The following C1QTNF7 variants were observed in gnomAD, a reference collection of about 807,000 sequenced individuals.
The protein encoded by C1QTNF7 is complement C1q tumor necrosis factor-related protein 7.
C1QTNF7 carries 15 observed loss-of-function variants against 19.6 expected under a neutral mutation model. That is an observed-to-expected ratio of 0.76 (90% CI 0.51 to 1.18). C1QTNF7 has a LOEUF of 1.18. C1QTNF7 is among the 50% of genes most tolerant of loss of function. The pLI is 0.00. For synonymous variants in C1QTNF7, 142 were observed against 137.5 expected, an observed-to-expected ratio of 1.03 and a Z score of -0.23; for missense variants, 324 against 359.7, an observed-to-expected ratio of 0.90 and a Z score of 0.80.
rs1712885654 is a variant in C1QTNF7 at position 15,443,819 on chromosome 4, G to T, written c.*1020G>T. On this transcript the variant is annotated 3_prime_UTR_variant, in exon 3 of 3. Transcript: ENST00000444304. ...CCTAATAGCTTTCTCATAAATATGG[G>T]CACCACTTTACATTGTGGTAAGACA... 1 of 152,152 alleles carries T rather than the reference G, an allele frequency of 6.6e-6. No individual in the cohort carries two copies. The highest frequency in any genetic ancestry group is 2.4e-5 in the African/African-American group (1 of 41,420). The allele number at this position is 152,152 out of a possible 1,614,324, so 9.4% of individuals were successfully genotyped here.
At chr4:15,371,044 C>T (rs529382696) in intron 1 of C1QTNF7, among the ~76,000 whole-genome samples, 184 of 152,318 alleles carry the variant, frequency 1.2e-3, no homozygotes, top group African/African-American at 4.2e-3. Context: ...CCTCCTAGTT[C>T]CTACACATCT....
intron 1 of C1QTNF7, among the ~76,000 whole-genome samples, chr4:15,404,268 A>G (rs755677184): frequency 5.9e-5 from 9 of 152,210 alleles, no homozygotes; most frequent in Non-Finnish European, 1.3e-4. Flanking sequence ...GCTTGCTAGA[A>G]GAGAGTTTCT....
At chr4:15,373,587 C>A (rs532704802) in intron 1 of C1QTNF7, among the ~76,000 whole-genome samples, 1 of 152,268 alleles carries the variant, frequency 6.6e-6, no homozygotes, top group East Asian at 1.9e-4. Flanking sequence ...TGTTTTGGAA[C>A]GTTTAAATGA....
chr4:15,409,735 C>T (rs1044483573), intron 1 of C1QTNF7, among the ~76,000 whole-genome samples: 1 of 152,076 alleles, frequency 6.6e-6, no homozygotes, highest in Non-Finnish European at 1.5e-5. Flanking sequence ...AATGAGACAC[C>T]CTGGGCTTGG....
At chr4:15,343,796 A>G (rs1716626866) in intron 1 of C1QTNF7, among the ~76,000 whole-genome samples, 2 of 152,240 alleles carry the variant, frequency 1.3e-5, no homozygotes, top group Admixed American at 1.3e-4. Context: ...GATACAAAGA[A>G]TTGTGCCGAC....
chr4:15,401,096 A>G (rs1210205015), intron 1 of C1QTNF7, among the ~76,000 whole-genome samples: 4 of 152,222 alleles, frequency 2.6e-5, no homozygotes, highest in Non-Finnish European at 4.4e-5. Flanking sequence ...CACACATAGA[A>G]GAAGTCAGAA....
chr4:15,442,945 G>A lies in C1QTNF7; in HGVS notation c.*146G>A. 1 of 813,102 alleles carries A rather than the reference G, an allele frequency of 1.2e-6. No individual in the cohort carries two copies. Among genetic ancestry groups the A allele is most frequent in the East Asian group, 2.8e-5 (1 of 35,252 alleles). 50.4% of individuals were successfully genotyped at this position (813,102 alleles called of 1,614,324 possible). On this transcript the variant is annotated 3_prime_UTR_variant, in exon 3 of 3. Coordinates refer to ENST00000444304, the MANE Select transcript of C1QTNF7 (RefSeq NM_031911.5). ...CTAGCAGAATTTATCAAAACAAGAT[G>A]AAACACAGAAAAGTTGAAACCACAA... is the stretch of plus-strand genomic sequence containing the variant.
chr4:15,424,696 C>A (rs1711956967), upstream of C1QTNF7, among the ~76,000 whole-genome samples: 1 of 152,212 alleles, frequency 6.6e-6, no homozygotes, highest in South Asian at 2.1e-4. Flanking sequence ...TTCTCCACAA[C>A]TCTACCTTGA....
intron 1 of C1QTNF7, among the ~76,000 whole-genome samples, chr4:15,433,744 C>T (rs970219931): frequency 2.6e-5 from 4 of 152,174 alleles, no homozygotes; most frequent in East Asian, 1.9e-4. Context: ...GGTAGCCCAT[C>T]GTGATTCCAG....
intron 1 of C1QTNF7, among the ~76,000 whole-genome samples, chr4:15,390,477 G>C (rs1161712859): frequency 1.3e-5 from 2 of 152,158 alleles, no homozygotes; most frequent in Non-Finnish European, 2.9e-5. Flanking sequence ...AAAACCTACA[G>C]ATCTATGGCT....
At chr4:15,340,308 A>G (rs1007935348) in intron 1 of C1QTNF7, 1 of 1,370,470 alleles carries the variant, frequency 7.3e-7, no homozygotes, top group African/African-American at 1.5e-5. Flanking sequence ...TTGTAAAGAA[A>G]TGGGGGAACT....
intron 1 of C1QTNF7, among the ~76,000 whole-genome samples, chr4:15,362,027 G>A (rs1302123915): frequency 2.0e-5 from 3 of 152,166 alleles, no homozygotes; most frequent in Admixed American, 6.5e-5. Flanking sequence ...AAGCCAGGCC[G>A]ACTGGGTTCC....
At chr4:15,437,877 T>C (rs1712597330) in intron 2 of C1QTNF7, among the ~76,000 whole-genome samples, 2 of 152,162 alleles carry the variant, frequency 1.3e-5, no homozygotes, top group Non-Finnish European at 2.9e-5. Flanking sequence ...AATTTTTCTA[T>C]ACGTAGCCAG....
At chr4:15,442,128 T>C in intron 2 of C1QTNF7, 40 bp from the exon 3 acceptor site, 1 of 1,543,802 alleles carries the variant, frequency 6.5e-7, no homozygotes, top group Non-Finnish European at 8.7e-7. Context: ...GATTATATCT[T>C]TTGAGGAACT....
chr4:15,340,920 T>C (rs1004105631), intron 1 of C1QTNF7, among the ~76,000 whole-genome samples: 1 of 152,234 alleles, frequency 6.6e-6, no homozygotes, highest in African/African-American at 2.4e-5. Flanking sequence ...AGATATTTTC[T>C]TGTTTTTCTG....
chr4:15,399,718 ATATAAC>A (rs532073097), intron 1 of C1QTNF7, among the ~76,000 whole-genome samples: 143 of 152,320 alleles, frequency 9.4e-4, no homozygotes, highest in African/African-American at 2.9e-3. Flanking sequence ...CCTATGTCTT[ATATAAC>A]TATAAGTCCA....
intron 1 of C1QTNF7, among the ~76,000 whole-genome samples, chr4:15,346,885 C>A (rs186264557): frequency 2.9e-4 from 44 of 152,326 alleles, no homozygotes; most frequent in Admixed American, 6.5e-4. Context: ...ATTCCCAATA[C>A]CAACACGCAG....
intron 1 of C1QTNF7, among the ~76,000 whole-genome samples, chr4:15,389,783 G>A (rs974314610): frequency 3.9e-5 from 6 of 152,136 alleles, no homozygotes; most frequent in African/African-American, 1.4e-4. Context: ...ATCCCCTAGA[G>A]ATTTTCATAA....
At position 15,435,971 on chromosome 4, in the gene C1QTNF7, G is replaced by A; in HGVS notation, c.228G>A (p.Lys76=). Residue 76 remains lysine (K), a synonymous_variant, in exon 2 of 3, where the codon AAG becomes AAA. Transcript: ENST00000444304. ...GCAGGAAAGGAGAGAAAGGTGAAAA[G>A]GGAACTGCAGGTAATGAATGAGAAG... The part of the protein sequence containing the change: ...RDGRKGEKGE[K]GTAGLRGKTG... 6.2e-7 allele frequency: 1 copy of A among 1,613,028 alleles called. No individual in the cohort carries two copies. The highest frequency in any genetic ancestry group is 2.2e-5 in the East Asian group (1 of 44,860).
Sources: allele counts gnomAD v4.1 joint callset (sites outside exome capture counted in the v4.1 genomes callset), GRCh38; gene constraint gnomAD v4.1.1; transcripts MANE v1.5; gene names NCBI Gene and HGNC (gene_info 2026-07-23, HGNC 2026-07-21).